Variants in PTPRK observed in about 807,000 individuals in gnomAD.
PTPRK encodes protein tyrosine phosphatase receptor type K, also known as receptor-type tyrosine-protein phosphatase kappa.
In PTPRK, 75 loss-of-function variants were observed where a neutral mutation model predicts 178.0. The observed-to-expected ratio is 0.42, with a 90% CI of 0.35 to 0.51. The LOEUF (loss-of-function observed/expected upper bound fraction) is 0.51, where lower values mean the gene tolerates loss of function less well. PTPRK is among the 20% of genes least tolerant of loss of function. The pLI, the probability that PTPRK is intolerant of heterozygous loss-of-function variation, is 0.02. For synonymous variants in PTPRK, 637 were observed against 620.6 expected (o/e 1.03, Z -0.39); for missense variants, 1,441 against 1,797.8 (o/e 0.80, Z 3.59).
chr6:128,425,916 G>T (rs146369567), intron 1 of PTPRK, among the ~76,000 whole-genome samples: 1 of 152,110 alleles, frequency 6.6e-6, no homozygotes, highest in Non-Finnish European at 1.5e-5. Context: ...TAAAAAGAGG[G>T]TTTCATAATT....
chr6:128,106,064 AC>A (rs1789670385), intron 7 of PTPRK, among the ~76,000 whole-genome samples: 1 of 152,222 alleles, frequency 6.6e-6, no homozygotes, highest in East Asian at 1.9e-4. Context: ...AAGTTACTTA[AC>A]ATCCACAGAC....
chr6:128,421,216 T>G (rs1005795109), intron 1 of PTPRK, among the ~76,000 whole-genome samples: 1 of 152,196 alleles, frequency 6.6e-6, no homozygotes, highest in African/African-American at 2.4e-5. Context: ...CTTAAAATTA[T>G]AAAGCAATAA....
chr6:128,424,334 T>C (rs1843845469), intron 1 of PTPRK, among the ~76,000 whole-genome samples: 1 of 152,242 alleles, frequency 6.6e-6, no homozygotes, highest in Non-Finnish European at 1.5e-5. Flanking sequence ...AAAAGTCATT[T>C]TGAGACAGGA....
chr6:128,238,040 TTAAGG>T (rs1431852375), intron 5 of PTPRK: 1 of 451,008 alleles, frequency 2.2e-6, no homozygotes, highest in African/African-American at 2.0e-5. Context: ...AGTGAATAAG[TTAAGG>T]TAATTGATGT....
At chr6:128,336,172 A>G (rs1008142747) in intron 2 of PTPRK, among the ~76,000 whole-genome samples, 7 of 148,314 alleles carry the variant, frequency 4.7e-5, no homozygotes, top group Admixed American at 1.4e-4. Flanking sequence ...GACGCAAGTG[A>G]CCTCCATTCC....
intron 28 of PTPRK, among the ~76,000 whole-genome samples, 182 bp from the exon 29 acceptor site, chr6:127,973,339 T>C (rs1774159637): frequency 6.6e-6 from 1 of 152,210 alleles, no homozygotes; most frequent in Non-Finnish European, 1.5e-5. Flanking sequence ...ATTAGATCAG[T>C]AGCTTATACT....
chr6:127,993,554 G>T (rs1776832638), intron 18 of PTPRK, among the ~76,000 whole-genome samples: 1 of 151,406 alleles, frequency 6.6e-6, no homozygotes, highest in South Asian at 2.1e-4. Flanking sequence ...ATACTGGTGT[G>T]GGCAACTCAA....
At chr6:128,361,619 C>T (rs1161669915) in intron 2 of PTPRK, among the ~76,000 whole-genome samples, 2 of 152,122 alleles carry the variant, frequency 1.3e-5, no homozygotes, top group Middle Eastern at 3.2e-3. Flanking sequence ...ATGATATAGT[C>T]TATTGCTCCT....
At chr6:127,985,960 C>A in intron 21 of PTPRK, 85 bp from the exon 22 acceptor site, 1 of 1,300,808 alleles carries the variant, frequency 7.7e-7, no homozygotes, top group Non-Finnish European at 1.0e-6. Flanking sequence ...GGTACAGACC[C>A]AACTGACAAT....
At chr6:128,389,073 T>TG (rs1839175730) in intron 2 of PTPRK, among the ~76,000 whole-genome samples, 1 of 152,122 alleles carries the variant, frequency 6.6e-6, no homozygotes, top group Non-Finnish European at 1.5e-5. Context: ...CATGGCTAGG[T>TG]GGAGACTTCA....
intron 1 of PTPRK, among the ~76,000 whole-genome samples, chr6:128,426,043 A>G (rs961719500): frequency 6.6e-6 from 1 of 152,202 alleles, no homozygotes; most frequent in African/African-American, 2.4e-5. Flanking sequence ...AATGTTTCCA[A>G]AACTAATTTC....
intron 1 of PTPRK, among the ~76,000 whole-genome samples, chr6:128,492,032 T>C (rs770811937): frequency 6.6e-6 from 1 of 152,178 alleles, no homozygotes; most frequent in Non-Finnish European, 1.5e-5. Context: ...CCTAAAACTC[T>C]TCCATATCAT....
intron 2 of PTPRK, among the ~76,000 whole-genome samples, chr6:128,362,003 G>C (rs1483653577): frequency 3.3e-5 from 5 of 152,010 alleles, no homozygotes; most frequent in African/African-American, 7.3e-5. Flanking sequence ...TCGTATCTTA[G>C]AGCACAAAAG....
intron 6 of PTPRK, among the ~76,000 whole-genome samples, chr6:128,196,780 A>C (rs1804927393): frequency 6.6e-6 from 1 of 152,192 alleles, no homozygotes; most frequent in African/African-American, 2.4e-5. Flanking sequence ...CCTTTAAAAA[A>C]TAAGGACATA....
At position 128,428,489 on chromosome 6, in the gene PTPRK, A is replaced by G. The variant is rs180847786; in HGVS notation, c.101-30801T>C. Among the ~76,000 whole-genome samples the G allele has an allele frequency of 1.1e-4, 16 of 152,332 alleles. No homozygotes were observed. The East Asian group carries it at 3.1e-3, about 29-fold the overall frequency. On this transcript the variant is annotated intron_variant, in intron 1 of 29. Transcript: ENST00000368226. ...ATGTTCATGGAGTCTACGTTCCACAAGCAATGGCAGTTAGATCTAGGAACG... is the reference window on the plus strand; with the variant it reads ...ATGTTCATGGAGTCTACGTTCCACAGGCAATGGCAGTTAGATCTAGGAACG...
chr6:128,397,823 C>T (rs372529995), intron 1 of PTPRK, 135 bp from the exon 2 acceptor site: 18 of 830,912 alleles, frequency 2.2e-5, no homozygotes, highest in Non-Finnish European at 3.2e-5. Context: ...TCCTGTTTAT[C>T]ACTATTCTCT....
At position 128,141,420 on chromosome 6, in the gene PTPRK, A is replaced by G. The variant is rs950164069; in HGVS notation, c.1162+43012T>C. 2.6e-5 allele frequency among the ~76,000 whole-genome samples: 4 copies of G among 151,926 alleles called. 1 individual carries two copies. Among genetic ancestry groups the G allele is most frequent in the African/African-American group, 7.2e-5 (3 of 41,440 alleles). ...TACCTTCATAAAAGTTACAAAGAAC[A>G]TTGTGAAATAAGCTCTTCTAAAAGA... is the stretch of plus-strand genomic sequence containing the variant. On this transcript the variant is annotated intron_variant, in intron 7 of 29. Transcript: ENST00000368226.
At chr6:127,972,910 C>A in intron 29 of PTPRK, 112 bp downstream of exon 29, 4 of 1,091,910 alleles carry the variant, frequency 3.7e-6, no homozygotes, top group Admixed American at 2.1e-5. Flanking sequence ...GTCCCCACAA[C>A]GTCTCATTTT....
chr6:128,488,655 G>A (rs1321896112), intron 1 of PTPRK, among the ~76,000 whole-genome samples: 1 of 152,150 alleles, frequency 6.6e-6, no homozygotes, highest in Non-Finnish European at 1.5e-5. Context: ...TTCCAAAATT[G>A]CTTACTGGAG....
Sources: gnomAD v4.1 joint callset for allele counts (sites outside exome capture counted in the v4.1 genomes callset) on GRCh38, gnomAD v4.1.1 for gene constraint, MANE v1.5 for transcripts, NCBI Gene and HGNC (gene_info 2026-07-23, HGNC 2026-07-21) for gene names.